The following ZNF385D variants were observed in gnomAD, a reference collection of about 807,000 sequenced individuals.
ZNF385D encodes the protein zinc finger protein 385D.
A neutral mutation model predicts 35.8 loss-of-function variants in ZNF385D; 15 were observed. That is an observed-to-expected ratio of 0.42 (90% CI 0.28 to 0.64). The LOEUF (loss-of-function observed/expected upper bound fraction) is 0.64. Among genes scored for constraint, ZNF385D ranks in the 30% least tolerant of loss-of-function variants. The probability of loss-of-function intolerance (pLI) is 0.23; values close to 1 mark genes in which losing one functional copy is unlikely to be tolerated. For synonymous variants in ZNF385D, 212 were observed against 186.8 expected (o/e 1.13, Z -1.10); for missense variants, 474 against 494.6 (o/e 0.96, Z 0.39).
At chr3:22,016,594 C>T (rs1559851340) in intron 3 of ZNF385D, among the ~76,000 whole-genome samples, 1 of 151,898 alleles carries the variant, frequency 6.6e-6, no homozygotes, top group Non-Finnish European at 1.5e-5. Flanking sequence ...TTCTCTGAAT[C>T]ACATCTTCTC....
chr3:22,170,784 A>G (rs1694361733), intron 2 of ZNF385D, among the ~76,000 whole-genome samples: 1 of 152,180 alleles, frequency 6.6e-6, no homozygotes, highest in Middle Eastern at 3.2e-3. Context: ...TCTTTTGTCT[A>G]GAGTTGATTT....
At chr3:22,182,663 G>T (rs1203120716) in intron 2 of ZNF385D, among the ~76,000 whole-genome samples, 1 of 151,644 alleles carries the variant, frequency 6.6e-6, no homozygotes, top group East Asian at 1.9e-4. Context: ...TTTCACTATG[G>T]TACCATTTAA....
At chr3:21,620,091 G>A (rs1321755982) in intron 2 of ZNF385D, among the ~76,000 whole-genome samples, 1 of 152,142 alleles carries the variant, frequency 6.6e-6, no homozygotes, top group African/African-American at 2.4e-5. Flanking sequence ...AACACTGTAG[G>A]TATTCAAGGG....
chr3:21,478,108 A>T (rs1704365186), intron 4 of ZNF385D, among the ~76,000 whole-genome samples: 1 of 152,122 alleles, frequency 6.6e-6, no homozygotes, highest in Non-Finnish European at 1.5e-5. Flanking sequence ...AAATTCAATC[A>T]ATGCAATATC....
chr3:21,468,795 G>A (rs993392059), intron 4 of ZNF385D, among the ~76,000 whole-genome samples: 3 of 151,946 alleles, frequency 2.0e-5, no homozygotes, highest in African/African-American at 7.3e-5. Flanking sequence ...GTAGTGGTGC[G>A]CCCATAGTCT....
intron 3 of ZNF385D, among the ~76,000 whole-genome samples, chr3:21,547,379 C>T (rs1410083322): frequency 1.3e-5 from 2 of 152,064 alleles, no homozygotes; most frequent in African/African-American, 4.8e-5. Flanking sequence ...CCCCTTGTTT[C>T]ATTTAAATAC....
At chr3:21,742,075 T>A (rs2125526392) in intron 1 of ZNF385D, among the ~76,000 whole-genome samples, 1 of 141,274 alleles carries the variant, frequency 7.1e-6, no homozygotes, top group Admixed American at 6.8e-5. Context: ...ACTCCCCACT[T>A]CTTTTACTAA....
intron 3 of ZNF385D, among the ~76,000 whole-genome samples, chr3:21,871,817 C>A (rs1427277527): frequency 1.3e-5 from 2 of 151,882 alleles, no homozygotes; most frequent in African/African-American, 4.8e-5. Context: ...ACCAGCATGG[C>A]CAACATGATG....
chr3:21,932,292 G>T (rs1397819168), intron 3 of ZNF385D, among the ~76,000 whole-genome samples: 2 of 149,608 alleles, frequency 1.3e-5, no homozygotes, highest in Non-Finnish European at 3.0e-5. Context: ...ATCATATTTA[G>T]CTGCCTTTGT....
At chr3:21,891,117 CTA>C (rs1274667300) in intron 3 of ZNF385D, among the ~76,000 whole-genome samples, 1 of 151,936 alleles carries the variant, frequency 6.6e-6, no homozygotes, top group Non-Finnish European at 1.5e-5. Flanking sequence ...AAGTAATACT[CTA>C]TAAGATTTTT....
chr3:22,193,457 T>C lies in ZNF385D; in HGVS notation c.107-24422A>G, dbSNP rs1377987989. 3.9e-5 allele frequency among the ~76,000 whole-genome samples: 6 copies of C among 152,084 alleles called. 1 individual carries two copies. Among genetic ancestry groups the C allele is most frequent in the Admixed American group, 3.9e-4 (6 of 15,252 alleles). On this transcript the variant is annotated intron_variant, in intron 2 of 5. Coordinates refer to the ZNF385D transcript ENST00000494108. The stretch of plus-strand genomic sequence containing the variant: ...TTATTATATATGATATTAACGAATA[T>C]TACATAGGATGCATGAGATCTAAGT...
intron 1 of ZNF385D, among the ~76,000 whole-genome samples, chr3:21,714,816 T>C (rs556644014): frequency 1.3e-5 from 2 of 152,312 alleles, no homozygotes; most frequent in East Asian, 3.9e-4. Flanking sequence ...CTCTCTCTTT[T>C]TAAAAAAATA....
At chr3:21,582,535 T>C (rs574020238) in intron 2 of ZNF385D, among the ~76,000 whole-genome samples, 1 of 152,268 alleles carries the variant, frequency 6.6e-6, no homozygotes, top group South Asian at 2.1e-4. Context: ...AATGTAAAAG[T>C]GGACTAAGTC....
intron 2 of ZNF385D, among the ~76,000 whole-genome samples, chr3:21,566,478 A>AAATT (rs914876999): frequency 2.0e-5 from 3 of 152,102 alleles, no homozygotes; most frequent in African/African-American, 4.8e-5. Context: ...AAGTACAAAA[A>AAATT]AATTAGCCAG....
At chr3:21,664,394 T>C (rs910939348) in intron 2 of ZNF385D, among the ~76,000 whole-genome samples, 1 of 152,150 alleles carries the variant, frequency 6.6e-6, no homozygotes, top group African/African-American at 2.4e-5. Context: ...GAACCCTGAG[T>C]TGTTTTAAGT....
intron 3 of ZNF385D, among the ~76,000 whole-genome samples, chr3:22,069,708 G>A (rs1048872975): frequency 4.6e-5 from 7 of 152,058 alleles, no homozygotes; most frequent in Non-Finnish European, 8.8e-5. Flanking sequence ...CAAGGATTCT[G>A]GGCCCTTTTT....
intron 2 of ZNF385D, among the ~76,000 whole-genome samples, chr3:22,171,381 C>T (rs780659970): frequency 1.3e-5 from 2 of 152,036 alleles, no homozygotes; most frequent in Non-Finnish European, 2.9e-5. Flanking sequence ...TCTTTCAAGC[C>T]TCTGAGATTT....
intron 3 of ZNF385D, 45 bp downstream of exon 3, chr3:21,564,529 A>T (rs766867195): frequency 1.6e-6 from 2 of 1,236,706 alleles, no homozygotes; most frequent in Non-Finnish European, 2.2e-6. Flanking sequence ...TAGAACAGCA[A>T]AATGTATTTT....
intron 3 of ZNF385D, among the ~76,000 whole-genome samples, chr3:21,841,047 C>T (rs2630798): frequency 0.84 from 127,350 of 151,932 alleles, 53,786 homozygotes; most frequent in African/African-American, 0.94. Flanking sequence ...ATTAGACATA[C>T]AGATGGTAAG....
Sources: gnomAD v4.1 joint callset for allele counts (sites outside exome capture counted in the v4.1 genomes callset) on GRCh38, gnomAD v4.1.1 for gene constraint, MANE v1.5 for transcripts, NCBI Gene and HGNC (gene_info 2026-07-23, HGNC 2026-07-21) for gene names.